DLG2: variants seen among roughly 807,000 people sequenced by gnomAD.
The protein encoded by DLG2 is discs large MAGUK scaffold protein 2.
In DLG2, 45 loss-of-function variants were observed where a neutral mutation model predicts 132.5. The ratio of observed to expected loss-of-function variants is 0.34; its 90% CI spans 0.27 to 0.44. The LOEUF is 0.44. Among genes scored for constraint, DLG2 ranks in the 20% least tolerant of loss-of-function variants. The pLI is 1.00. For synonymous variants in DLG2, 424 were observed against 419.6 expected (o/e 1.01, Z -0.13); for missense variants, 1,045 against 1,196.9 (o/e 0.87, Z 1.87).
intron 18 of DLG2, among the ~76,000 whole-genome samples, chr11:83,765,952 G>A (rs1215391823): frequency 6.6e-6 from 1 of 152,184 alleles, no homozygotes. Context: ...GAGCACACTT[G>A]ACAGCATACA....
intron 3 of DLG2, among the ~76,000 whole-genome samples, chr11:85,430,369 A>G (rs1274060356): frequency 6.8e-6 from 1 of 147,860 alleles, no homozygotes; most frequent in Non-Finnish European, 1.5e-5. Context: ...AAAGAAAAAG[A>G]AAGAAAAAAA....
chr11:84,197,873 CA>C (rs1417126392), intron 8 of DLG2, among the ~76,000 whole-genome samples: 2 of 152,164 alleles, frequency 1.3e-5, no homozygotes, highest in East Asian at 3.8e-4. Flanking sequence ...AAATACTTCT[CA>C]GGGGCTACAG....
At chr11:83,976,620 A>C (rs754766622) in intron 12 of DLG2, among the ~76,000 whole-genome samples, 1 of 151,870 alleles carries the variant, frequency 6.6e-6, no homozygotes, top group African/African-American at 2.4e-5. Context: ...TCTCCTTTTC[A>C]GGGTTATTTT....
intron 17 of DLG2, among the ~76,000 whole-genome samples, chr11:83,795,128 C>G (rs2042463082): frequency 1.3e-5 from 2 of 152,054 alleles, no homozygotes; most frequent in South Asian, 4.2e-4. Context: ...ATATTCCGGC[C>G]AGGCGCGGTG....
At chr11:84,609,490 T>C (rs1382049341) in intron 6 of DLG2, among the ~76,000 whole-genome samples, 1 of 152,134 alleles carries the variant, frequency 6.6e-6, no homozygotes, top group Non-Finnish European at 1.5e-5. Context: ...AAATATAAAC[T>C]GTGCTATCTG....
Position 83,459,667 on chromosome 11 carries a change from T to C in DLG2, c.*151A>G, listed in dbSNP as rs543921345. 14 of 574,124 alleles carry C rather than the reference T, an allele frequency of 2.4e-5. No homozygotes were observed. The South Asian group carries it at 3.3e-4, about 13-fold the overall frequency. 35.6% of individuals were successfully genotyped at this position (574,124 alleles called of 1,614,324 possible). ...TTGGCCCCTCTGTTTCCTTCATGGC[T>C]TCATACAGTTTGTGTTGTACATTCG... On this transcript the variant is annotated 3_prime_UTR_variant, in exon 28 of 28. Coordinates refer to ENST00000376104, the MANE Select transcript of DLG2 (RefSeq NM_001142699.3).
At chr11:83,795,746 T>C (rs1179888947) in intron 17 of DLG2, among the ~76,000 whole-genome samples, 1 of 152,168 alleles carries the variant, frequency 6.6e-6, no homozygotes, top group Non-Finnish European at 1.5e-5. Context: ...GAAATATTTG[T>C]CTATTTCTTA....
intron 3 of DLG2, among the ~76,000 whole-genome samples, chr11:85,444,973 T>C (rs2091943052): frequency 6.6e-6 from 1 of 151,996 alleles, no homozygotes; most frequent in African/African-American, 2.4e-5. Flanking sequence ...ACCATGAGAA[T>C]AAAAAGGATT....
intron 6 of DLG2, among the ~76,000 whole-genome samples, chr11:84,985,313 C>G (rs1359540274): frequency 6.6e-6 from 1 of 152,120 alleles, no homozygotes; most frequent in African/African-American, 2.4e-5. Context: ...TGGAAATTAA[C>G]TACCAAAGGA....
rs1339317903 is a variant in DLG2 at position 84,313,002 on chromosome 11, G to A, written c.520-61711C>T. Among the ~76,000 whole-genome samples, 3 of 151,838 alleles carry A rather than the reference G, an allele frequency of 2.0e-5. No homozygotes were observed. The South Asian group carries it at 6.2e-4, about 32-fold the overall frequency. ...TTTTTTTGTATTTTTAGTAGAGACG[G>A]GGCTTCACCATGTTGGCCAAGATGG... On this transcript the variant is annotated intron_variant, in intron 7 of 27. Coordinates refer to ENST00000376104, the MANE Select transcript of DLG2 (RefSeq NM_001142699.3).
In DLG2 at chr11:84,149,361, T is replaced by A. The variant is rs61021804; in HGVS notation, c.624+14100A>T. 9.2e-3 allele frequency among the ~76,000 whole-genome samples: 1,396 copies of A among 152,330 alleles called. 18 individuals are homozygous for A. The highest frequency in any genetic ancestry group is 0.031 in the African/African-American group (1,281 of 41,584). On this transcript the variant is annotated intron_variant, in intron 9 of 27. Transcript: ENST00000376104. ...TTTTTATAGTTTGAGGTCTTATATT[T>A]AAGTCTTAATCCATCTTGAGTTAAA...
At chr11:85,590,765 C>G (rs1483843493) in intron 3 of DLG2, among the ~76,000 whole-genome samples, 1 of 151,666 alleles carries the variant, frequency 6.6e-6, no homozygotes, top group African/African-American at 2.4e-5. Context: ...GATGAGAAAG[C>G]CTATTGCTTT....
At chr11:84,048,817 A>G in intron 11 of DLG2, among the ~76,000 whole-genome samples, 1 of 151,690 alleles carries the variant, frequency 6.6e-6, no homozygotes, top group Non-Finnish European at 1.5e-5. Context: ...GTTACAAGAT[A>G]GAAAATCCAA....
At chr11:84,999,494 T>C (rs1264418288) in intron 6 of DLG2, among the ~76,000 whole-genome samples, 1 of 152,160 alleles carries the variant, frequency 6.6e-6, no homozygotes, top group South Asian at 2.1e-4. Context: ...GGGTTTTCTG[T>C]AGACATCCAT....
chr11:84,130,728 C>A (rs1173822104), intron 9 of DLG2, among the ~76,000 whole-genome samples: 1 of 151,820 alleles, frequency 6.6e-6, no homozygotes, highest in East Asian at 1.9e-4. Flanking sequence ...AAATAAACCA[C>A]TGCTCTCCAA....
intron 6 of DLG2, among the ~76,000 whole-genome samples, chr11:84,600,935 C>A (rs1470356337): frequency 6.6e-6 from 1 of 152,114 alleles, no homozygotes; most frequent in Non-Finnish European, 1.5e-5. Flanking sequence ...AGTTCAAATG[C>A]TCAAAGGATA....
chr11:85,197,170 C>G (rs2081131041), intron 4 of DLG2, among the ~76,000 whole-genome samples: 1 of 152,126 alleles, frequency 6.6e-6, no homozygotes. Flanking sequence ...GCAGACCTTT[C>G]TACGATGTAA....
At chr11:84,691,018 GT>G (rs1284424518) in intron 6 of DLG2, among the ~76,000 whole-genome samples, 3 of 151,794 alleles carry the variant, frequency 2.0e-5, no homozygotes, top group Admixed American at 2.0e-4. Context: ...CCACAGAACA[GT>G]TTATCATATC....
intron 6 of DLG2, among the ~76,000 whole-genome samples, chr11:84,896,923 C>T (rs1169091307): frequency 1.3e-5 from 2 of 151,360 alleles, no homozygotes; most frequent in Non-Finnish European, 3.0e-5. Flanking sequence ...TTTGGGCATC[C>T]ATTGGGGGTT....
Sources: allele counts gnomAD v4.1 joint callset (sites outside exome capture counted in the v4.1 genomes callset), GRCh38; gene constraint gnomAD v4.1.1; transcripts MANE v1.5; gene names NCBI Gene and HGNC (gene_info 2026-07-23, HGNC 2026-07-21).